The following SMYD3 variants were observed in gnomAD, a reference collection of about 807,000 sequenced individuals.
The protein encoded by SMYD3 is SET and MYND domain containing 3.
A neutral mutation model predicts 57.7 loss-of-function variants in SMYD3; 36 were observed. The ratio of observed to expected loss-of-function variants is 0.62; its 90% CI spans 0.48 to 0.82. SMYD3 has a LOEUF of 0.82. SMYD3 is among the 40% of genes least tolerant of loss of function. The probability of loss-of-function intolerance (pLI) is 0.00; values close to 1 mark genes in which losing one functional copy is unlikely to be tolerated. For synonymous variants in SMYD3, 211 were observed against 195.0 expected, an observed-to-expected ratio of 1.08 and a Z score of -0.68; for missense variants, 515 against 538.8, an observed-to-expected ratio of 0.96 and a Z score of 0.44.
chr1:245,999,019 T>C (rs1032537178), intron 5 of SMYD3, among the ~76,000 whole-genome samples: 1 of 152,066 alleles, frequency 6.6e-6, no homozygotes, highest in Non-Finnish European at 1.5e-5. Context: ...GATTGTCGCT[T>C]CACGGGGTAG....
chr1:246,500,360 C>A (rs1216956426), intron 1 of SMYD3, among the ~76,000 whole-genome samples: 1 of 152,182 alleles, frequency 6.6e-6, no homozygotes, highest in Non-Finnish European at 1.5e-5. Context: ...TAGCCCATTG[C>A]TCTAATTCTT....
chr1:246,088,526 C>A (rs1341921748), intron 5 of SMYD3, among the ~76,000 whole-genome samples: 1 of 133,454 alleles, frequency 7.5e-6, no homozygotes, highest in African/African-American at 3.5e-5. Context: ...AGGAGAATGG[C>A]GTGAACCCAG....
chr1:246,101,071 GTTTTTTTTTTTTT>G (rs754724096), intron 5 of SMYD3, among the ~76,000 whole-genome samples: 948 of 54,130 alleles, frequency 0.018, 12 homozygotes, highest in Non-Finnish European at 0.03. Flanking sequence ...GGGGTTTTTT[GTTTTTTTTTTTTT>G]TTTTTTTTTT....
At chr1:246,428,467 AT>A (rs1424140237) in intron 1 of SMYD3, among the ~76,000 whole-genome samples, 2 of 152,236 alleles carry the variant, frequency 1.3e-5, no homozygotes, top group Non-Finnish European at 2.9e-5. Context: ...AGCAAATACT[AT>A]CTGTCAGGTA....
chr1:246,193,441 T>C (rs1421657564), intron 5 of SMYD3, among the ~76,000 whole-genome samples: 2 of 152,350 alleles, frequency 1.3e-5, no homozygotes, highest in Non-Finnish European at 2.9e-5. Context: ...ATTTGTATGA[T>C]CTTTTACGTA....
chr1:246,442,444 G>C (rs1339752405), intron 1 of SMYD3, among the ~76,000 whole-genome samples: 1 of 152,068 alleles, frequency 6.6e-6, no homozygotes, highest in Non-Finnish European at 1.5e-5. Context: ...AGCTACTCGG[G>C]AGGCTGAGGC....
chr1:246,328,353 C>A (rs1207890727), intron 4 of SMYD3, among the ~76,000 whole-genome samples: 1 of 152,190 alleles, frequency 6.6e-6, no homozygotes, highest in African/African-American at 2.4e-5. Context: ...TGAAAGGATA[C>A]AACAGGTCAA....
intron 1 of SMYD3, among the ~76,000 whole-genome samples, chr1:246,489,999 TCC>T (rs1468401401): frequency 8.1e-6 from 1 of 123,882 alleles, no homozygotes; most frequent in Non-Finnish European, 1.6e-5. Context: ...GCTAATTTTT[TCC>T]TTTTTTTTTT....
intron 5 of SMYD3, among the ~76,000 whole-genome samples, chr1:246,003,299 G>A (rs1167443895): frequency 1.3e-5 from 2 of 152,214 alleles, no homozygotes; most frequent in Non-Finnish European, 2.9e-5. Context: ...TCTGGCAGGG[G>A]CATCAGGTGT....
chr1:246,048,673 C>G (rs2060010967), intron 5 of SMYD3, among the ~76,000 whole-genome samples: 1 of 152,106 alleles, frequency 6.6e-6, no homozygotes, highest in African/African-American at 2.4e-5. Flanking sequence ...TGAACTTCAG[C>G]AGCCTCCTTA....
At chr1:245,867,569 C>T (rs2051925566) in intron 8 of SMYD3, among the ~76,000 whole-genome samples, 1 of 152,020 alleles carries the variant, frequency 6.6e-6, no homozygotes, top group South Asian at 2.1e-4. Context: ...AGGGATAGAG[C>T]AGTAAATAAA....
chr1:246,378,726 T>TATATATAATTATATATAATATG (rs58702520), intron 1 of SMYD3, among the ~76,000 whole-genome samples: 1 of 89,862 alleles, frequency 1.1e-5, no homozygotes. Flanking sequence ...TATAATATAT[T>TATATATAATTATATATAATATG]ATATATTATA....
intron 5 of SMYD3, among the ~76,000 whole-genome samples, chr1:246,285,880 T>C (rs746329500): frequency 4.6e-5 from 7 of 151,948 alleles, no homozygotes; most frequent in Non-Finnish European, 8.8e-5. Flanking sequence ...AGCAAACATA[T>C]GAAAAAATGC....
intron 2 of SMYD3, among the ~76,000 whole-genome samples, chr1:246,353,968 G>T (rs538306845): frequency 6.6e-6 from 1 of 152,210 alleles, no homozygotes; most frequent in East Asian, 1.9e-4. Context: ...TTGAACTTTT[G>T]ATTTCTTTTC....
At chr1:245,860,397 C>G (rs2051474516) in intron 9 of SMYD3, among the ~76,000 whole-genome samples, 1 of 152,198 alleles carries the variant, frequency 6.6e-6, no homozygotes, top group Admixed American at 6.5e-5. Context: ...TTAGCAAATA[C>G]TTCTAATAAA....
At position 246,355,127 on chromosome 1, in the gene SMYD3, A is replaced by T. The variant is rs2065891014; in HGVS notation, c.165-33T>A. ...GAAAAAAATTAATTCTGCATTAAGA[A>T]ATGAGTGGGAAACATAGTACATAGT... On this transcript the variant is annotated intron_variant, in intron 1 of 11. Coordinates refer to ENST00000490107, the MANE Select transcript of SMYD3 (RefSeq NM_001167740.2). The surrounding 1 kb of genome is among the most constrained non-coding windows in gnomAD (Gnocchi z 5.0). 6.3e-7 allele frequency: 1 copy of T among 1,596,382 alleles called. No individual in the cohort carries two copies. The highest frequency in any genetic ancestry group is 1.7e-5 in the Admixed American group (1 of 60,004).
Position 245,815,504 on chromosome 1 carries a change from T to C in SMYD3, c.1076+42992A>G, listed in dbSNP as rs558144845. On this transcript the variant is annotated intron_variant, in intron 10 of 11. Transcript: ENST00000490107. The stretch of plus-strand genomic sequence containing the variant: ...GATCCCAGATCAACCAAGGGGATTT[T>C]AGAGACATGGGGCCTAGCCCCCAAG... Among the ~76,000 whole-genome samples, 4 of 152,372 alleles carry C rather than the reference T, an allele frequency of 2.6e-5. No individual in the cohort carries two copies. In the South Asian group the frequency reaches 6.2e-4, roughly 24 times the overall value.
At chr1:246,500,965 C>G (rs900421984) in intron 1 of SMYD3, among the ~76,000 whole-genome samples, 1 of 152,214 alleles carries the variant, frequency 6.6e-6, no homozygotes, top group African/African-American at 2.4e-5. Flanking sequence ...CCATAAAGTC[C>G]TTTCCCAAAC....
At chr1:245,808,498 G>A (rs2048301046) in intron 10 of SMYD3, among the ~76,000 whole-genome samples, 1 of 152,210 alleles carries the variant, frequency 6.6e-6, no homozygotes, top group Non-Finnish European at 1.5e-5. Context: ...CACTTTATCT[G>A]AGAACCACCT....
Sources: allele counts gnomAD v4.1 joint callset (sites outside exome capture counted in the v4.1 genomes callset), GRCh38; gene constraint gnomAD v4.1.1; non-coding constraint Gnocchi (gnomAD v3.1); transcripts MANE v1.5; gene names NCBI Gene and HGNC (gene_info 2026-07-23, HGNC 2026-07-21).